Variants in TRIM36 observed in about 807,000 individuals in gnomAD.
The protein encoded by TRIM36 is E3 ubiquitin-protein ligase TRIM36.
Under a neutral mutation model 72.4 loss-of-function variants are expected in TRIM36, and 42 were observed. The observed-to-expected ratio is 0.58, with a 90% CI of 0.45 to 0.75. TRIM36 has a LOEUF of 0.75. Among genes scored for constraint, TRIM36 ranks in the 30% least tolerant of loss-of-function variants. The probability of loss-of-function intolerance (pLI) is 0.00; values close to 1 mark genes in which losing one functional copy is unlikely to be tolerated. For synonymous variants in TRIM36, 315 were observed against 282.8 expected, an observed-to-expected ratio of 1.11 and a Z score of -1.14; for missense variants, 913 against 857.1, an observed-to-expected ratio of 1.07 and a Z score of -0.81.
intron 7 of TRIM36, among the ~76,000 whole-genome samples, chr5:115,136,038 C>A (rs1580648114): frequency 6.6e-6 from 1 of 152,038 alleles, no homozygotes. Context: ...AGGAAGACCT[C>A]CCTGCTAGGG....
chr5:115,128,982 A>G (rs1752511723), intron 9 of TRIM36, among the ~76,000 whole-genome samples: 1 of 152,096 alleles, frequency 6.6e-6, no homozygotes, highest in Non-Finnish European at 1.5e-5. Context: ...AGTACCCTAT[A>G]GAAGTATACA....
At chr5:115,172,933 A>G (rs1027179614), upstream of TRIM36, among the ~76,000 whole-genome samples, 3 of 152,192 alleles carry the variant, frequency 2.0e-5, no homozygotes, top group African/African-American at 7.2e-5. Context: ...TTATCTTTCC[A>G]TCTTATATGT....
chr5:115,172,065 G>C (rs1201827600), upstream of TRIM36, among the ~76,000 whole-genome samples: 3 of 152,036 alleles, frequency 2.0e-5, no homozygotes, highest in Admixed American at 6.6e-5. Flanking sequence ...AAAAATTTTT[G>C]AATATTTTTG....
upstream of TRIM36, chr5:115,171,065 G>C: frequency 6.2e-7 from 1 of 1,613,616 alleles, no homozygotes; most frequent in Non-Finnish European, 8.5e-7. Context: ...AAATTGCTGG[G>C]TAAGTAGGGA....
chr5:115,171,220 C>T, upstream of TRIM36: 2 of 1,614,160 alleles, frequency 1.2e-6, no homozygotes, highest in African/African-American at 2.7e-5. Context: ...TCCAATCCGG[C>T]ATCTAAATAA....
At chr5:115,147,813 A>T (rs774273193) in intron 2 of TRIM36, among the ~76,000 whole-genome samples, 6 of 152,244 alleles carry the variant, frequency 3.9e-5, no homozygotes, top group Non-Finnish European at 8.8e-5. Context: ...ATGAATCGAT[A>T]CATAAAAGAG....
At chr5:115,141,245 T>C (rs372318453) in intron 5 of TRIM36, 34 bp downstream of exon 5, 2 of 1,410,212 alleles carry the variant, frequency 1.4e-6, no homozygotes, top group African/African-American at 2.9e-5. Context: ...AAAATAACAA[T>C]AATTTAAAAT....
At chr5:115,166,959 C>T (rs912961320) in intron 1 of TRIM36, among the ~76,000 whole-genome samples, 10 of 152,320 alleles carry the variant, frequency 6.6e-5, no homozygotes, top group South Asian at 2.1e-4. Flanking sequence ...CACTGTACCC[C>T]GCGCTCGCTC....
chr5:115,153,510 AT>A (rs896844733), intron 2 of TRIM36, among the ~76,000 whole-genome samples: 26 of 151,606 alleles, frequency 1.7e-4, no homozygotes, highest in Admixed American at 1.6e-3. Context: ...GAAACAATGA[AT>A]TTTTTTTTCT....
In TRIM36 at chr5:115,125,106, A is replaced by G. The variant is rs1580626940; in HGVS notation, c.*1397T>C. On this transcript the variant is annotated 3_prime_UTR_variant, in exon 10 of 10. Transcript: ENST00000513154. ...CTAATTTAATGCTACCAGCCTGAGT[A>G]ACAGATTTCCATTAAAAATATAACA... 1 of 152,622 alleles carries G rather than the reference A, an allele frequency of 6.6e-6. No individual in the cohort carries two copies. Among genetic ancestry groups the G allele is most frequent in the East Asian group, 1.9e-4 (1 of 5,186 alleles). The allele number at this position is 152,622 out of a possible 1,614,324, so 9.5% of individuals were successfully genotyped here.
At chr5:115,152,238 T>G (rs1753931108) in intron 2 of TRIM36, among the ~76,000 whole-genome samples, 1 of 152,196 alleles carries the variant, frequency 6.6e-6, no homozygotes, top group East Asian at 1.9e-4. Flanking sequence ...TGGAAAGTCT[T>G]AGTAACAGAA....
intron 2 of TRIM36, among the ~76,000 whole-genome samples, chr5:115,162,196 A>G (rs1292217816): frequency 1.3e-5 from 2 of 152,166 alleles, no homozygotes; most frequent in East Asian, 3.9e-4. Flanking sequence ...AAACTCCACC[A>G]TTCTAAGTTT....
At chr5:115,169,418 G>C (rs751621385) in intron 1 of TRIM36, among the ~76,000 whole-genome samples, 190 bp downstream of exon 1, 1 of 152,244 alleles carries the variant, frequency 6.6e-6, no homozygotes, top group African/African-American at 2.4e-5. Context: ...CTCGGGGATA[G>C]AAAGGGGACG....
intron 2 of TRIM36, 79 bp from the exon 3 acceptor site, chr5:115,147,473 G>A: frequency 1.4e-6 from 2 of 1,428,566 alleles, no homozygotes; most frequent in South Asian, 2.7e-5. Context: ...TCATGTCTTA[G>A]AGACATATCT....
chr5:115,177,064 A>G lies in TRIM36; in HGVS notation c.63+2911T>C, dbSNP rs1364524542. 3.9e-5 allele frequency: 6 copies of G among 152,242 alleles called. No individual in the cohort carries two copies. The East Asian group carries it at 1.2e-3, about 29-fold the overall frequency. 9.4% of individuals were successfully genotyped at this position (152,242 alleles called of 1,614,324 possible). On this transcript the variant is annotated intron_variant, in intron 1 of 9. Transcript: ENST00000282369. The stretch of plus-strand genomic sequence containing the variant: ...CTGTAGGTTTTAGGTTACCCTAAGA[A>G]AAAAGGCTTACTTCCCACATTTCAG...
chr5:115,144,747 A>G lies in TRIM36; in HGVS notation c.589-3T>C, dbSNP rs773848602. On this transcript the variant is annotated splice_region_variant and splice_polypyrimidine_tract_variant and intron_variant, in intron 3 of 9. Transcript: ENST00000513154. ...TCATGTTCTGGGCACATTAAAATCT[A>G]TTGAGTAAAGAATAAAAGTGTGATT... 1.6e-5 allele frequency: 25 copies of G among 1,610,232 alleles called. No homozygotes were observed. The highest frequency in any genetic ancestry group is 2.0e-5 in the Non-Finnish European group (24 of 1,179,232).
At chr5:115,177,715 C>T (rs768475580) in intron 1 of TRIM36, 2 of 1,613,882 alleles carry the variant, frequency 1.2e-6, no homozygotes, top group Non-Finnish European at 1.7e-6. Context: ...CAACTCTCCC[C>T]CTCCAACCCC....
At chr5:115,127,008 C>T in intron 9 of TRIM36, 151 bp from the exon 10 acceptor site, 1 of 827,598 alleles carries the variant, frequency 1.2e-6, no homozygotes, top group Non-Finnish European at 1.8e-6. Context: ...ATAAAAATGA[C>T]ACATTACAAT....
chr5:115,178,653 A>G (rs1755459963), intron 1 of TRIM36, among the ~76,000 whole-genome samples: 1 of 152,154 alleles, frequency 6.6e-6, no homozygotes, highest in Non-Finnish European at 1.5e-5. Flanking sequence ...TGCAGGATGG[A>G]GTCTGGGCTT....
Sources: allele counts gnomAD v4.1 joint callset (sites outside exome capture counted in the v4.1 genomes callset), GRCh38; gene constraint gnomAD v4.1.1; transcripts MANE v1.5; gene names NCBI Gene and HGNC (gene_info 2026-07-23, HGNC 2026-07-21).